The following DICER1 variants were observed in gnomAD, a reference collection of about 807,000 sequenced individuals.
DICER1 encodes dicer 1, ribonuclease III.
In DICER1, 43 loss-of-function variants were observed where a neutral mutation model predicts 194.1. The observed-to-expected ratio is 0.22, with a 90% CI of 0.17 to 0.29. The LOEUF (loss-of-function observed/expected upper bound fraction) is 0.29. Ranked by LOEUF, DICER1 falls within the 10% of genes least tolerant of loss-of-function variation. DICER1 has a pLI of 1.00. For missense variants in DICER1, 1,608 were observed against 2,317.0 expected (o/e 0.69, Z 6.28); for synonymous variants, 832 against 820.5 (o/e 1.01, Z -0.24).
intron 1 of DICER1, among the ~76,000 whole-genome samples, chr14:95,142,985 C>T (rs765614825): frequency 4.6e-5 from 7 of 152,178 alleles, no homozygotes; most frequent in Non-Finnish European, 1.0e-4. Context: ...TATTATGCAT[C>T]ACAGATTCTG....
chr14:95,108,812 G>T (rs1044773729), intron 14 of DICER1, among the ~76,000 whole-genome samples: 2 of 152,066 alleles, frequency 1.3e-5, no homozygotes, highest in Non-Finnish European at 2.9e-5. Flanking sequence ...CTATTCATTT[G>T]ATCTATTTCT....
chr14:95,118,910 G>GTGTCTA (rs1892719034), intron 8 of DICER1, among the ~76,000 whole-genome samples: 1 of 152,074 alleles, frequency 6.6e-6, no homozygotes, highest in African/African-American at 2.4e-5. Flanking sequence ...AGGTTAGTTT[G>GTGTCTA]GGAGTCTACA....
In DICER1 at chr14:95,096,991, T is replaced by C. The variant is rs190816602; in HGVS notation, c.4207-278A>G. 2.2e-3 allele frequency among the ~76,000 whole-genome samples: 329 copies of C among 152,344 alleles called. 2 individuals are homozygous for C. The highest frequency in any genetic ancestry group is 3.0e-3 in the Non-Finnish European group (202 of 68,026). On this transcript the variant is annotated intron_variant, in intron 22 of 26. Transcript: ENST00000343455. ...TTAAGTTAAGGACTTTGAACATGGA[T>C]ATAAAGTTAAAATTAATGTCCACAA...
intron 21 of DICER1, among the ~76,000 whole-genome samples, chr14:95,102,811 G>C (rs1209469645): frequency 6.6e-6 from 1 of 152,158 alleles, no homozygotes; most frequent in African/African-American, 2.4e-5. Context: ...CAGAACTCTG[G>C]TGTCACCCTC....
intron 16 of DICER1, 42 bp from the exon 17 acceptor site, chr14:95,107,803 T>C (rs1037461885): frequency 1.9e-6 from 3 of 1,611,336 alleles, no homozygotes; most frequent in Non-Finnish European, 2.5e-6. Flanking sequence ...TAAAACATGA[T>C]ACAGATAAGT....
At position 95,121,766 on chromosome 14, in the gene DICER1, T is replaced by C. The variant is rs114169850; in HGVS notation, c.1376+2430A>G. 2.3e-3 allele frequency among the ~76,000 whole-genome samples: 355 copies of C among 152,320 alleles called. 2 individuals carry two copies. The highest frequency in any genetic ancestry group is 8.2e-3 in the African/African-American group (342 of 41,568). ...AAAGAACATCTACTTTCCTCCCCTA[T>C]GGAGTGTTGTGAATATGTCTTAAAT... On this transcript the variant is annotated intron_variant, in intron 8 of 26. Transcript: ENST00000343455.
chr14:95,139,695 T>A (rs892684761), intron 1 of DICER1, among the ~76,000 whole-genome samples: 1 of 152,186 alleles, frequency 6.6e-6, no homozygotes, highest in Non-Finnish European at 1.5e-5. Context: ...CAGAACAGAA[T>A]CATGGATGGA....
chr14:95,105,953 C>G lies in DICER1; in HGVS notation c.2987+88G>C. On this transcript the variant is annotated intron_variant, in intron 18 of 26. Transcript: ENST00000343455. The surrounding 1 kb of genome is among the most constrained non-coding windows in gnomAD (Gnocchi z 4.9). ...TGATTTCAGATAGTCCACGGGTGGG[C>G]AGGGGGACAGTGAACCTCTGCATGT... 6.7e-7 allele frequency: 1 copy of G among 1,490,140 alleles called. No individual in the cohort carries two copies. Among genetic ancestry groups the G allele is most frequent in the African/African-American group, 1.4e-5 (1 of 72,392 alleles). 92.3% of individuals were successfully genotyped at this position (1,490,140 alleles called of 1,614,324 possible). A position where few individuals can be genotyped will look rare whatever the true frequency, so the allele number is the denominator to read the frequency against.
At chr14:95,108,632 G>T in intron 14 of DICER1, 129 bp from the exon 15 acceptor site, 1 of 860,766 alleles carries the variant, frequency 1.2e-6, no homozygotes, top group Non-Finnish European at 1.9e-6. Context: ...AAATACCCGA[G>T]GCATGACACT....
Position 95,138,986 on chromosome 14 carries a change from T to TAAAAAAAAAAAAAAAAAAA in DICER1, c.-45-5484_-45-5483insTTTTTTTTTTTTTTTTTTT, listed in dbSNP as rs1289692370. Among the ~76,000 whole-genome samples, 6 of 31,682 alleles carry TAAAAAAAAAAAAAAAAAAA rather than the reference T, an allele frequency of 1.9e-4. No homozygotes were observed. In the East Asian group the frequency reaches 2.1e-3, roughly 11 times the overall value. 20.8% of individuals were successfully genotyped at this position (31,682 alleles called of 152,430 possible). A position where few individuals can be genotyped will look rare whatever the true frequency, so the allele number is the denominator to read the frequency against. The stretch of plus-strand genomic sequence containing the variant: ...GTATAATAAAAAAAATAAAAATAAA[T>TAAAAAAAAAAAAAAAAAAA]AAAAAAATAAAAAAAAAAAAAAAAG... On this transcript the variant is annotated intron_variant, in intron 1 of 26. Transcript: ENST00000343455.
At chr14:95,115,495 G>A (rs1365500231) in intron 11 of DICER1, among the ~76,000 whole-genome samples, 172 bp downstream of exon 11, 1 of 151,920 alleles carries the variant, frequency 6.6e-6, no homozygotes, top group African/African-American at 2.4e-5. Flanking sequence ...TACTGTTTTT[G>A]CCTTTTGATT....
chr14:95,115,407 A>T (rs1348256479), intron 11 of DICER1, among the ~76,000 whole-genome samples: 1 of 152,214 alleles, frequency 6.6e-6, no homozygotes, highest in Non-Finnish European at 1.5e-5. Context: ...AGAATTATAA[A>T]ATTAAATTAA....
At chr14:95,113,046 A>G in intron 12 of DICER1, 46 bp downstream of exon 12, 1 of 1,598,050 alleles carries the variant, frequency 6.3e-7, no homozygotes, top group Non-Finnish European at 8.6e-7. Context: ...AAATCCACTA[A>G]TGACACATTT....
At position 95,095,953 on chromosome 14, in the gene DICER1, T is replaced by C. The variant is rs1431986661; in HGVS notation, c.4967A>G (p.Asp1656Gly). 1 of 1,614,250 alleles carries C rather than the reference T, an allele frequency of 6.2e-7. No homozygotes were observed. The highest frequency in any genetic ancestry group is 8.5e-7 in the Non-Finnish European group (1 of 1,180,044). The part of the protein sequence containing the change: ...PRCMFDHPDA[D>G]KTLNHLISGF... ...CGATATAAGGTGATTCAGTGTTTTA[T>C]CTGCATCTGGATGATCAAACATACA... The change falls in exon 23 of 27, where the codon GAT (aspartate) becomes GGT (glycine). Residue 1656 changes from aspartate to glycine, a missense_variant. Asp to Gly is a moderately conservative substitution (Grantham distance 94, BLOSUM62 -1). Transcript: ENST00000343455.
At chr14:95,122,930 GTGTACGCGC>G (rs1893063196) in intron 8 of DICER1, among the ~76,000 whole-genome samples, 1 of 151,054 alleles carries the variant, frequency 6.6e-6, no homozygotes, top group Non-Finnish European at 1.5e-5. Context: ...GTGCGCGTGC[GTGTACGCGC>G]GCGCGCGCGC....
At chr14:95,134,359 A>G (rs1298013277) in intron 1 of DICER1, 1 of 152,162 alleles carries the variant, frequency 6.6e-6, no homozygotes. Flanking sequence ...TAAAATTCCT[A>G]CCCTTCAAAC....
At chr14:95,139,820 C>T (rs1167720369) in intron 1 of DICER1, among the ~76,000 whole-genome samples, 1 of 152,148 alleles carries the variant, frequency 6.6e-6, no homozygotes, top group Non-Finnish European at 1.5e-5. Context: ...CAATTTAACC[C>T]TTCCAATTAT....
chr14:95,145,860 G>A (rs182022394), intron 1 of DICER1, among the ~76,000 whole-genome samples: 37 of 151,426 alleles, frequency 2.4e-4, no homozygotes, highest in Admixed American at 9.2e-4. Context: ...ATTAAAATTC[G>A]CTGCACATTA....
At position 95,094,007 on chromosome 14, in the gene DICER1, C is replaced by T. The variant is rs1161123623; in HGVS notation, c.5245G>A (p.Ala1749Thr). The T allele has an allele frequency of 6.2e-7, 1 of 1,614,002 alleles. No homozygotes were observed. The highest frequency in any genetic ancestry group is 8.5e-7 in the Non-Finnish European group (1 of 1,180,046). The change falls in exon 24 of 27, where the codon GCT becomes ACT. Residue 1749 changes from alanine (A) to threonine (T), a missense_variant. Transcript: ENST00000343455. ...LVNNTIFASL[A>T]VKYDYHKYFK... is the part of the protein sequence containing the mutation. The stretch of plus-strand genomic sequence containing the variant: ...TACTTGTGGTAGTCGTACTTTACAG[C>T]CAGCGATGCAAAGATGGTGTTGTTG...
Sources: gnomAD v4.1 joint callset for allele counts (sites outside exome capture counted in the v4.1 genomes callset) on GRCh38, gnomAD v4.1.1 for gene constraint, Gnocchi (gnomAD v3.1) non-coding constraint, MANE v1.5 for transcripts, NCBI Gene and HGNC (gene_info 2026-07-23, HGNC 2026-07-21) for gene names.